NLRP5: variants seen among roughly 807,000 people sequenced by gnomAD.
NLRP5 encodes the protein NLR family pyrin domain containing 5, also known as NACHT, LRR and PYD domains-containing protein 5.
Under a neutral mutation model 113.1 loss-of-function variants are expected in NLRP5, and 93 were observed. The observed-to-expected ratio is 0.82, with a 90% CI of 0.70 to 0.98. The LOEUF (loss-of-function observed/expected upper bound fraction) is 0.98, where lower values mean the gene tolerates loss of function less well. Ranked by LOEUF, NLRP5 falls within the 50% of genes least tolerant of loss-of-function variation. The pLI is 0.00. For missense variants in NLRP5, 1,808 were observed against 1,514.3 expected, an observed-to-expected ratio of 1.19 and a Z score of -3.22; for synonymous variants, 751 against 600.7, an observed-to-expected ratio of 1.25 and a Z score of -3.66.
chr19:56,004,369 G>C (rs1161654673), intron 2 of NLRP5, among the ~76,000 whole-genome samples: 2 of 152,144 alleles, frequency 1.3e-5, no homozygotes, highest in African/African-American at 4.8e-5. Context: ...TGCTAAGCTT[G>C]AGCTCTGGCG....
chr19:55,996,830 T>A (rs1035151486), upstream of NLRP5, among the ~76,000 whole-genome samples: 1 of 152,208 alleles, frequency 6.6e-6, no homozygotes, highest in Non-Finnish European at 1.5e-5. Context: ...ACATGATTTA[T>A]AATCCTTTAG....
chr19:56,038,267 G>A (rs539684857), intron 10 of NLRP5, 72 bp downstream of exon 10: 3 of 1,494,348 alleles, frequency 2.0e-6, no homozygotes, highest in African/African-American at 1.4e-5. Flanking sequence ...GATTCTCCAG[G>A]TCATGGTGGG....
intron 12 of NLRP5, among the ~76,000 whole-genome samples, chr19:56,051,784 A>G (rs1446638943): frequency 2.0e-5 from 3 of 152,222 alleles, no homozygotes; most frequent in African/African-American, 7.2e-5. Context: ...ATGAGCATAA[A>G]TGATTTCATT....
chr19:56,043,539 A>ATTAT (rs1568498691), intron 11 of NLRP5, among the ~76,000 whole-genome samples: 1 of 27,030 alleles, frequency 3.7e-5, no homozygotes, highest in African/African-American at 1.3e-4. Context: ...TTACTCTGCT[A>ATTAT]TTCTTTTTTT....
chr19:55,998,690 A>ATGTGTGTGTGTGTG (rs760041369), upstream of NLRP5, among the ~76,000 whole-genome samples: 89 of 56,284 alleles, frequency 1.6e-3, 3 homozygotes, highest in African/African-American at 8.6e-3. Context: ...ATATATATAT[A>ATGTGTGTGTGTGTG]TATATATATA....
chr19:55,990,926 G>C, the NLRP5 span, among the ~76,000 whole-genome samples: 1 of 152,124 alleles, frequency 6.6e-6, no homozygotes, highest in Non-Finnish European at 1.5e-5. Flanking sequence ...GGAGATTGCA[G>C]TGAACTGAGA....
chr19:56,032,106 A>G (rs1157216004), intron 7 of NLRP5, among the ~76,000 whole-genome samples: 2 of 152,132 alleles, frequency 1.3e-5, no homozygotes, highest in East Asian at 3.9e-4. Context: ...GCACCTTAGG[A>G]GGCCAAGGCG....
intron 8 of NLRP5, 41 bp downstream of exon 8, chr19:56,032,822 A>T (rs757402304): frequency 6.4e-6 from 10 of 1,558,306 alleles, no homozygotes. Context: ...CCTTCCCATG[A>T]CGCTATCCCA....
intron 9 of NLRP5, among the ~76,000 whole-genome samples, chr19:56,036,233 T>C (rs1368234401): frequency 6.6e-6 from 1 of 151,132 alleles, no homozygotes; most frequent in Non-Finnish European, 1.5e-5. Context: ...CCGGCTAATT[T>C]TTTTGTATTT....
upstream of NLRP5, among the ~76,000 whole-genome samples, chr19:55,996,295 CTGAGT>C (rs1404818702): frequency 1.3e-5 from 2 of 152,058 alleles, no homozygotes; most frequent in East Asian, 3.9e-4. Flanking sequence ...CTTTATTGTT[CTGAGT>C]TATGTTTCTT....
intron 13 of NLRP5, 134 bp downstream of exon 13, chr19:56,053,942 C>A: frequency 1.4e-6 from 1 of 737,286 alleles, no homozygotes; most frequent in Non-Finnish European, 2.3e-6. Context: ...GCAACCTTCG[C>A]AGCACCACAG....
intron 12 of NLRP5, 139 bp downstream of exon 12, chr19:56,050,727 C>A: frequency 2.6e-6 from 2 of 760,130 alleles, no homozygotes; most frequent in Non-Finnish European, 4.2e-6. Flanking sequence ...CAAGGGCAAT[C>A]TAGGTAAACT....
chr19:56,050,349 A>T, intron 11 of NLRP5, 69 bp from the exon 12 acceptor site: 2 of 1,437,574 alleles, frequency 1.4e-6, no homozygotes, highest in East Asian at 4.6e-5. Flanking sequence ...GGAGGAGAGC[A>T]GCAGCTCACT....
intron 14 of NLRP5, among the ~76,000 whole-genome samples, chr19:56,060,799 G>A (rs28625735): frequency 0.031 from 4,785 of 152,154 alleles, 241 homozygotes; most frequent in African/African-American, 0.11. Flanking sequence ...ACTGCCTGAT[G>A]TGCTAGAGGC....
At chr19:56,019,875 C>T (rs1422675995) in intron 5 of NLRP5, among the ~76,000 whole-genome samples, 5 of 148,058 alleles carry the variant, frequency 3.4e-5, no homozygotes, top group East Asian at 2.0e-4. Flanking sequence ...CTCGCTGTGT[C>T]GCCCAAGCTG....
the NLRP5 span, among the ~76,000 whole-genome samples, chr19:55,990,852 A>G: frequency 6.6e-6 from 1 of 151,946 alleles, no homozygotes; most frequent in Non-Finnish European, 1.5e-5. Context: ...GGCATGGTTG[A>G]GGGTGTCTGT....
intron 3 of NLRP5, among the ~76,000 whole-genome samples, chr19:56,012,676 G>A (rs1259961068): frequency 1.3e-5 from 2 of 150,774 alleles, no homozygotes; most frequent in Non-Finnish European, 2.9e-5. Context: ...TATTTTCCTT[G>A]GAACGATCTT....
chr19:56,040,855 A>G, intron 10 of NLRP5, 67 bp from the exon 11 acceptor site: 1 of 1,384,410 alleles, frequency 7.2e-7, no homozygotes, highest in African/African-American at 1.4e-5. Flanking sequence ...CCTCCTTGTA[A>G]AGGAGGGAAA....
chr19:56,047,002 C>T (rs966847674), intron 11 of NLRP5, among the ~76,000 whole-genome samples: 3 of 152,112 alleles, frequency 2.0e-5, no homozygotes, highest in Admixed American at 6.6e-5. Context: ...GGAATTTATC[C>T]ATGTCTTCTA....
Sources: gnomAD v4.1 joint callset for allele counts (sites outside exome capture counted in the v4.1 genomes callset) on GRCh38, gnomAD v4.1.1 for gene constraint, MANE v1.5 for transcripts, NCBI Gene and HGNC (gene_info 2026-07-23, HGNC 2026-07-21) for gene names.